ARHGAP32: variants seen among roughly 807,000 people sequenced by gnomAD.
The protein encoded by ARHGAP32 is rho GTPase-activating protein 32.
ARHGAP32 carries 51 observed loss-of-function variants against 186.5 expected under a neutral mutation model. The ratio of observed to expected loss-of-function variants is 0.27; its 90% CI spans 0.22 to 0.35. The LOEUF is 0.35. Ranked by LOEUF, ARHGAP32 falls within the 10% of genes least tolerant of loss-of-function variation. ARHGAP32 has a pLI of 1.00. For synonymous variants in ARHGAP32, 950 were observed against 964.3 expected, an observed-to-expected ratio of 0.99 and a Z score of 0.27; for missense variants, 2,186 against 2,623.5, an observed-to-expected ratio of 0.83 and a Z score of 3.64.
intron 2 of ARHGAP32, among the ~76,000 whole-genome samples, chr11:129,127,623 C>G (rs551186682): frequency 7.6e-6 from 1 of 131,604 alleles, no homozygotes; most frequent in South Asian, 2.5e-4. Context: ...AATATTTTCA[C>G]CTACATATTT....
intron 11 of ARHGAP32, among the ~76,000 whole-genome samples, chr11:129,015,933 T>G (rs1483102546): frequency 6.6e-6 from 1 of 152,132 alleles, no homozygotes; most frequent in Non-Finnish European, 1.5e-5. Context: ...GGAGGAAAAT[T>G]GTTGGGTTAT....
At chr11:129,092,940 A>T (rs1338205404) in intron 6 of ARHGAP32, among the ~76,000 whole-genome samples, 1 of 152,082 alleles carries the variant, frequency 6.6e-6, no homozygotes, top group Non-Finnish European at 1.5e-5. Context: ...AGTGAATAAA[A>T]GAACTATACT....
At chr11:129,056,794 C>CTTCA (rs970715769) in intron 10 of ARHGAP32, among the ~76,000 whole-genome samples, 2 of 152,136 alleles carry the variant, frequency 1.3e-5, no homozygotes. Flanking sequence ...CAACAACGAG[C>CTTCA]TTCAGAAAGT....
chr11:128,974,427 G>A lies in ARHGAP32; in HGVS notation c.2770C>T (p.Pro924Ser), dbSNP rs752613255. The stretch of plus-strand genomic sequence containing the variant: ...CGTGGTGGTAGGGTCACTGAAATTG[G>A]CTCAGATATGCTCATAGAAGGTGAT... The part of the protein sequence containing the change: ...SKSPSMSISE[P>S]ISVTLPPRVS... Residue 924 changes from proline to serine, a missense_variant, in exon 21 of 23, where the codon CCA (proline) becomes TCA (serine). By Grantham distance (74) the Pro-to-Ser change is moderately conservative (BLOSUM62 -1). This residue lies in a region of ARHGAP32 where 1,502 missense variants were observed against 1,570.0 expected (regional missense o/e 0.96). Coordinates refer to ENST00000682385, the MANE Select transcript of ARHGAP32 (RefSeq NM_001378024.1). 1.9e-6 allele frequency: 3 copies of A among 1,614,070 alleles called. No homozygotes were observed. Among genetic ancestry groups the A allele is most frequent in the Admixed American group, 1.7e-5 (1 of 60,012 alleles).
chr11:129,277,625 T>C (rs1383687749), intron 1 of ARHGAP32, among the ~76,000 whole-genome samples: 3 of 152,222 alleles, frequency 2.0e-5, no homozygotes, highest in Non-Finnish European at 4.4e-5. Flanking sequence ...CGGACTGCTA[T>C]AGGGACCACG....
At chr11:129,026,817 A>AG (rs1938874168) in intron 11 of ARHGAP32, among the ~76,000 whole-genome samples, 2 of 137,828 alleles carry the variant, frequency 1.5e-5, no homozygotes, top group South Asian at 2.4e-4. Flanking sequence ...AAAAAAAAAA[A>AG]GGCCAGGTGC....
At chr11:129,104,310 T>C (rs1941988608) in intron 5 of ARHGAP32, among the ~76,000 whole-genome samples, 1 of 152,192 alleles carries the variant, frequency 6.6e-6, no homozygotes, top group Non-Finnish European at 1.5e-5. Flanking sequence ...TAGTATTTAA[T>C]TATGAAAGAT....
chr11:129,010,237 T>C (rs550700033), intron 11 of ARHGAP32, among the ~76,000 whole-genome samples: 38 of 152,326 alleles, frequency 2.5e-4, no homozygotes, highest in African/African-American at 8.7e-4. Flanking sequence ...TTCCATTATG[T>C]AGGCTGTCTC....
At chr11:129,251,329 A>T (rs1232857598) in intron 1 of ARHGAP32, among the ~76,000 whole-genome samples, 1 of 152,248 alleles carries the variant, frequency 6.6e-6, no homozygotes, top group Non-Finnish European at 1.5e-5. Flanking sequence ...ATCACCCTAC[A>T]TCACAGAACC....
chr11:129,056,881 C>T (rs576302574), intron 10 of ARHGAP32, among the ~76,000 whole-genome samples: 1 of 152,298 alleles, frequency 6.6e-6, no homozygotes, highest in African/African-American at 2.4e-5. Context: ...CACATCCTTG[C>T]TCCTCTTCCC....
chr11:129,114,552 T>C (rs1418002691), intron 5 of ARHGAP32, among the ~76,000 whole-genome samples: 1 of 152,144 alleles, frequency 6.6e-6, no homozygotes, highest in Non-Finnish European at 1.5e-5. Context: ...TAATACACCC[T>C]ATACATGTCT....
intron 11 of ARHGAP32, among the ~76,000 whole-genome samples, chr11:129,034,743 A>AG (rs903405135): frequency 0.017 from 2,605 of 149,342 alleles, 31 homozygotes; most frequent in African/African-American, 0.037. Context: ...AAAAAAAAAA[A>AG]AGAGAGAGAG....
intron 1 of ARHGAP32, among the ~76,000 whole-genome samples, chr11:129,223,942 AC>A (rs1301276668): frequency 6.6e-6 from 1 of 152,226 alleles, no homozygotes; most frequent in African/African-American, 2.4e-5. Flanking sequence ...AAGAAGCAGT[AC>A]CAGAAACGTC....
intron 11 of ARHGAP32, among the ~76,000 whole-genome samples, chr11:128,999,880 C>T (rs1049700099): frequency 6.6e-6 from 1 of 152,154 alleles, no homozygotes; most frequent in African/African-American, 2.4e-5. Context: ...ATAAGAGGAA[C>T]CTGAGTTTTA....
At chr11:129,061,978 C>T (rs984718403) in intron 10 of ARHGAP32, among the ~76,000 whole-genome samples, 1 of 152,098 alleles carries the variant, frequency 6.6e-6, no homozygotes, top group African/African-American at 2.4e-5. Context: ...CGATTAACAA[C>T]CTGTATTAAA....
chr11:129,150,330 T>C (rs1472775969), intron 2 of ARHGAP32, among the ~76,000 whole-genome samples: 2 of 152,060 alleles, frequency 1.3e-5, no homozygotes, highest in Non-Finnish European at 2.9e-5. Flanking sequence ...ACCTGAAATA[T>C]TCACCGCAAA....
In ARHGAP32 at chr11:129,192,202, G is replaced by T; in HGVS notation, c.-4C>A. On this transcript the variant is annotated 5_prime_UTR_variant, in exon 1 of 23. Transcript: ENST00000682385. The stretch of plus-strand genomic sequence containing the variant: ...TACTCTCACTTTCAGTCTCCATCTT[G>T]TACTTAAAAAACAAAAAAAACTAAA... 6.2e-7 allele frequency: 1 copy of T among 1,606,492 alleles called. No individual in the cohort carries two copies.
chr11:129,193,419 C>T (rs151266311), upstream of ARHGAP32, among the ~76,000 whole-genome samples: 1,075 of 115,522 alleles, frequency 9.3e-3, 7 homozygotes, highest in Non-Finnish European at 0.015. Flanking sequence ...GAGTTCAAGG[C>T]TGTTGTGAGC....
intron 6 of ARHGAP32, among the ~76,000 whole-genome samples, chr11:129,086,165 G>A (rs576207124): frequency 1.3e-5 from 2 of 152,260 alleles, no homozygotes; most frequent in Admixed American, 6.5e-5. Flanking sequence ...GGGAACAAAG[G>A]CAATACAATG....
Sources: allele counts gnomAD v4.1 joint callset (sites outside exome capture counted in the v4.1 genomes callset), GRCh38; gene constraint gnomAD v4.1.1; regional missense constraint gnomAD v4.1.1; transcripts MANE v1.5; gene names NCBI Gene and HGNC (gene_info 2026-07-23, HGNC 2026-07-21).